POU2F1: variants seen among roughly 807,000 people sequenced by gnomAD.
POU2F1 encodes POU class 2 homeobox 1, also known as POU domain, class 2, transcription factor 1.
POU2F1 carries 16 observed loss-of-function variants against 84.9 expected under a neutral mutation model. The observed-to-expected ratio is 0.19, with a 90% CI of 0.13 to 0.29. The LOEUF is 0.29. Among genes scored for constraint, POU2F1 ranks in the 10% least tolerant of loss-of-function variants. The probability of loss-of-function intolerance (pLI) is 1.00; values close to 1 mark genes in which losing one functional copy is unlikely to be tolerated. For synonymous variants in POU2F1, 368 were observed against 368.3 expected, an observed-to-expected ratio of 1.00 and a Z score of 0.01; for missense variants, 738 against 942.6, an observed-to-expected ratio of 0.78 and a Z score of 2.84.
rs1650807705 is a variant in POU2F1 at position 167,424,131 on chromosome 1, C to T, written c.*8321C>T. ...TGCCATGTCCTTGGTTCCATTCCTG[C>T]GTGAGTCTGCAGAAGGCACACACTT... is the stretch of plus-strand genomic sequence containing the variant. On this transcript the variant is annotated 3_prime_UTR_variant, in exon 16 of 16. Transcript: ENST00000367866. 6.6e-6 allele frequency: 1 copy of T among 152,202 alleles called. No homozygotes were observed. The highest frequency in any genetic ancestry group is 2.1e-4 in the South Asian group (1 of 4,832). 9.4% of individuals were successfully genotyped at this position (152,202 alleles called of 1,614,324 possible).
chr1:167,370,145 C>T lies in POU2F1; in HGVS notation c.229-16C>T, dbSNP rs1659917189. The T allele has an allele frequency of 1.9e-6, 3 of 1,597,634 alleles. No individual in the cohort carries two copies. Among genetic ancestry groups the T allele is most frequent in the Non-Finnish European group, 2.6e-6 (3 of 1,169,162 alleles). On this transcript the variant is annotated splice_polypyrimidine_tract_variant and intron_variant, in intron 3 of 15. Transcript: ENST00000367866. Reference sequence around the variant, plus strand: ...GTCAACAGTATTAAACTAGAACTTCCCCTGATTACTTATAGGTCCAACTCG... The same window carrying T: ...GTCAACAGTATTAAACTAGAACTTCTCCTGATTACTTATAGGTCCAACTCG...
Position 167,395,258 on chromosome 1 carries a change from G to A in POU2F1, c.988-1028G>A, listed in dbSNP as rs762098715. On this transcript the variant is annotated intron_variant, in intron 9 of 15. Transcript: ENST00000367866. ...TTTGTAATATATTCAGGGCATCATT[G>A]TTCTATTGCTATAAGGTTACTAAGT... 2.6e-4 allele frequency among the ~76,000 whole-genome samples: 39 copies of A among 152,282 alleles called. 1 individual carries two copies. In the Middle Eastern group the frequency reaches 0.01, roughly 40 times the overall value.
At chr1:167,384,877 A>G (rs190578053) in intron 8 of POU2F1, among the ~76,000 whole-genome samples, 78 of 152,268 alleles carry the variant, frequency 5.1e-4, no homozygotes, top group Non-Finnish European at 1.0e-3. Context: ...TAAAATATTA[A>G]TAAATGACAT....
At chr1:167,358,014 G>A (rs1234559914) in intron 2 of POU2F1, among the ~76,000 whole-genome samples, 1 of 151,666 alleles carries the variant, frequency 6.6e-6, no homozygotes, top group Non-Finnish European at 1.5e-5. Context: ...GTGTTGGCCA[G>A]GATGGTCTCG....
At chr1:167,349,500 G>A (rs1304255460) in intron 2 of POU2F1, among the ~76,000 whole-genome samples, 5 of 152,008 alleles carry the variant, frequency 3.3e-5, no homozygotes, top group Non-Finnish European at 5.9e-5. Context: ...GCTCCACGAA[G>A]GACATTATTT....
At chr1:167,277,913 GCTGT>G (rs1652852741) in intron 1 of POU2F1, among the ~76,000 whole-genome samples, 1 of 152,060 alleles carries the variant, frequency 6.6e-6, no homozygotes, top group African/African-American at 2.4e-5. Context: ...CATATTCTCT[GCTGT>G]CTTAGTCTGA....
chr1:167,257,911 A>C (rs1366908553), intron 1 of POU2F1: 1 of 151,918 alleles, frequency 6.6e-6, no homozygotes, highest in Non-Finnish European at 1.5e-5. Context: ...AGTAGCTGGG[A>C]CTACAGGTGC....
In POU2F1 at chr1:167,415,795, C is replaced by T. The variant is rs1190833774; in HGVS notation, c.2286C>T (p.Ala762=). Residue 762 remains alanine (A), a synonymous_variant, in exon 16 of 16, where the codon GCC becomes GCT. Coordinates refer to ENST00000367866, the MANE Select transcript of POU2F1 (RefSeq NM_002697.4). The part of the protein sequence containing the change: ...ASGAASTTTT[A]SKAQ Reference sequence around the variant, plus strand: ...GGGCTGCGTCCACCACCACCACCGCCTCCAAGGCACAGTGAGCTGGGCAGA... The same window carrying T: ...GGGCTGCGTCCACCACCACCACCGCTTCCAAGGCACAGTGAGCTGGGCAGA... 1.2e-6 allele frequency: 2 copies of T among 1,613,874 alleles called. No individual in the cohort carries two copies. Among genetic ancestry groups the T allele is most frequent in the Non-Finnish European group, 1.7e-6 (2 of 1,179,892 alleles).
At chr1:167,324,191 G>A (rs1429106052) in intron 1 of POU2F1, among the ~76,000 whole-genome samples, 6 of 152,110 alleles carry the variant, frequency 3.9e-5, no homozygotes, top group Admixed American at 3.9e-4. Flanking sequence ...AAGCATTATG[G>A]ACTCAGATTG....
chr1:167,251,060 A>G (rs938729147), intron 1 of POU2F1, among the ~76,000 whole-genome samples: 4 of 152,222 alleles, frequency 2.6e-5, no homozygotes, highest in Non-Finnish European at 5.9e-5. Context: ...GAGGTGTATT[A>G]TAAGAACATC....
chr1:167,304,851 G>GAATA (rs1365040865), intron 1 of POU2F1, among the ~76,000 whole-genome samples: 1 of 151,984 alleles, frequency 6.6e-6, no homozygotes, highest in African/African-American at 2.4e-5. Flanking sequence ...ATTTTCATAA[G>GAATA]ACATTTTAAA....
chr1:167,274,004 T>C (rs927946987), intron 1 of POU2F1, among the ~76,000 whole-genome samples: 1 of 152,234 alleles, frequency 6.6e-6, no homozygotes, highest in Non-Finnish European at 1.5e-5. Context: ...AGGGTAGTAA[T>C]TGTAGAGCAA....
intron 5 of POU2F1, 109 bp from the exon 6 acceptor site, chr1:167,373,999 G>A: frequency 2.1e-6 from 2 of 973,562 alleles, no homozygotes; most frequent in Admixed American, 1.8e-5. Context: ...AGTGAAGTTG[G>A]GTAGCTGGGG....
rs767486778 is a variant in POU2F1 at position 167,244,307 on chromosome 1, C to CT, written c.61+23350dup. On this transcript the variant is annotated intron_variant, in intron 1 of 15. Coordinates refer to ENST00000367866, the MANE Select transcript of POU2F1 (RefSeq NM_002697.4). ...GCTACAGCCTCATCTGAAGGTTCAACTGGGGAAGCATATGCTGCCAAGCTC... is the reference window on the plus strand; with the variant it reads ...GCTACAGCCTCATCTGAAGGTTCAACTTGGGGAAGCATATGCTGCCAAGCTC... 1.4e-4 allele frequency among the ~76,000 whole-genome samples: 22 copies of CT among 152,202 alleles called. No individual in the cohort carries two copies. The South Asian group carries it at 2.9e-3, about 20-fold the overall frequency.
intron 3 of POU2F1, among the ~76,000 whole-genome samples, chr1:167,366,026 C>T (rs1444606361): frequency 1.3e-5 from 2 of 152,294 alleles, no homozygotes; most frequent in South Asian, 2.1e-4. Context: ...GTGACCCCCG[C>T]ACCCTAGTTT....
chr1:167,412,009 C>T lies in POU2F1; in HGVS notation c.1606C>T (p.Pro536Ser). The T allele has an allele frequency of 6.2e-7, 1 of 1,614,170 alleles. No homozygotes were observed. The highest frequency in any genetic ancestry group is 1.1e-5 in the South Asian group (1 of 91,082). ...NNTATVISTA[P>S]PASSAVTSPS... ...CACAGCAACCGTGATTTCCACAGCG[C>T]CTCCAGCTTCCTCAGCAGTCACGTC... The change falls in exon 14 of 16, where the codon CCT becomes TCT. Residue 536 changes from proline to serine, a missense_variant. Physicochemically the swap from Pro to Ser is moderately conservative, Grantham distance 74 (BLOSUM62 -1). Around this residue, in one of 4 missense-constraint regions of POU2F1, gnomAD observed 319 missense variants for 386.0 expected, o/e 0.83. Coordinates refer to ENST00000367866, the MANE Select transcript of POU2F1 (RefSeq NM_002697.4).
intron 13 of POU2F1, among the ~76,000 whole-genome samples, chr1:167,410,667 C>G (rs929110694): frequency 6.6e-6 from 1 of 152,074 alleles, no homozygotes; most frequent in African/African-American, 2.4e-5. Context: ...AGGCGCCCAC[C>G]ACCATGCCTG....
chr1:167,332,423 C>T (rs778116388), intron 1 of POU2F1, 47 bp from the exon 2 acceptor site: 1 of 1,478,624 alleles, frequency 6.8e-7, no homozygotes, highest in Admixed American at 1.7e-5. Context: ...AATCCCATCT[C>T]CATCCCCAGT....
chr1:167,234,441 T>A (rs191170285), intron 1 of POU2F1, among the ~76,000 whole-genome samples: 86 of 152,260 alleles, frequency 5.6e-4, no homozygotes, highest in African/African-American at 1.9e-3. Flanking sequence ...TGTTAAGAAT[T>A]GTATTTTAGG....
Sources: gnomAD v4.1 joint callset for allele counts (sites outside exome capture counted in the v4.1 genomes callset) on GRCh38, gnomAD v4.1.1 for gene constraint, gnomAD v4.1.1 regional missense constraint, MANE v1.5 for transcripts, NCBI Gene and HGNC (gene_info 2026-07-23, HGNC 2026-07-21) for gene names.